Variants in WDR41 observed in about 807,000 individuals in gnomAD.
WDR41 encodes WD repeat domain 41.
Under a neutral mutation model 69.3 loss-of-function variants are expected in WDR41, and 63 were observed. The ratio of observed to expected loss-of-function variants is 0.91; its 90% CI spans 0.74 to 1.12. WDR41 has a LOEUF of 1.12. Ranked by LOEUF, WDR41 falls within the 50% of genes most tolerant of loss-of-function variation. The pLI is 0.00. For missense variants in WDR41, 543 were observed against 534.5 expected (o/e 1.02, Z -0.16); for synonymous variants, 185 against 192.1 (o/e 0.96, Z 0.31).
intron 1 of WDR41, among the ~76,000 whole-genome samples, chr5:77,558,030 G>A (rs1212630783): frequency 7.0e-6 from 1 of 142,812 alleles, no homozygotes; most frequent in East Asian, 2.2e-4. Context: ...CCACGTCAGT[G>A]TAATGATTAC....
intron 8 of WDR41, among the ~76,000 whole-genome samples, chr5:77,446,681 T>A (rs944366753): frequency 2.0e-5 from 3 of 152,126 alleles, no homozygotes; most frequent in African/African-American, 7.2e-5. Flanking sequence ...GGGGAAAGGA[T>A]CTCCTATTCA....
At chr5:77,556,846 G>A (rs989178253) in intron 1 of WDR41, among the ~76,000 whole-genome samples, 3 of 152,134 alleles carry the variant, frequency 2.0e-5, no homozygotes, top group Non-Finnish European at 2.9e-5. Flanking sequence ...GGGAGGGAGA[G>A]AAAAGGGTCT....
intron 1 of WDR41, among the ~76,000 whole-genome samples, chr5:77,573,669 C>A (rs1327627345): frequency 1.3e-5 from 2 of 152,026 alleles, no homozygotes; most frequent in African/African-American, 4.8e-5. Context: ...CAGAAGTGCC[C>A]CCCAGATTTA....
intron 1 of WDR41, among the ~76,000 whole-genome samples, chr5:77,551,294 G>A (rs1743290418): frequency 6.6e-6 from 1 of 152,106 alleles, no homozygotes; most frequent in African/African-American, 2.4e-5. Context: ...TAAGAAGGGG[G>A]CAAAAATATT....
At chr5:77,611,296 C>T (rs545014442) in intron 1 of WDR41, among the ~76,000 whole-genome samples, 1 of 152,300 alleles carries the variant, frequency 6.6e-6, no homozygotes, top group East Asian at 1.9e-4. Flanking sequence ...CAGCTCTGCA[C>T]CAAGCAGATC....
At chr5:77,501,991 A>G (rs1051629446) in intron 1 of WDR41, among the ~76,000 whole-genome samples, 1 of 152,210 alleles carries the variant, frequency 6.6e-6, no homozygotes, top group Non-Finnish European at 1.5e-5. Context: ...CCTCGCCACC[A>G]ATCAAACAAA....
chr5:77,592,279 A>G (rs1744149396), intron 1 of WDR41, among the ~76,000 whole-genome samples: 1 of 152,120 alleles, frequency 6.6e-6, no homozygotes, highest in Non-Finnish European at 1.5e-5. Context: ...ATTGAGTCTG[A>G]TAGTTTATCT....
At chr5:77,590,135 C>T (rs1378342112) in intron 1 of WDR41, among the ~76,000 whole-genome samples, 3 of 152,012 alleles carry the variant, frequency 2.0e-5, no homozygotes, top group Admixed American at 6.6e-5. Flanking sequence ...ATTTTATTGA[C>T]TTGTTAAATG....
chr5:77,601,804 CT>C (rs1278554684), intron 1 of WDR41, among the ~76,000 whole-genome samples: 1 of 152,170 alleles, frequency 6.6e-6, no homozygotes, highest in East Asian at 1.9e-4. Context: ...AAGGCTGAAT[CT>C]TTTTAAAAAC....
intron 12 of WDR41, among the ~76,000 whole-genome samples, chr5:77,434,966 C>T (rs1482093446): frequency 2.6e-5 from 4 of 152,292 alleles, no homozygotes; most frequent in East Asian, 3.9e-4. Context: ...AACTCCTCAG[C>T]CTTACATTCA....
intron 2 of WDR41, among the ~76,000 whole-genome samples, chr5:77,477,028 T>C (rs1204092375): frequency 6.7e-6 from 1 of 148,890 alleles, no homozygotes; most frequent in East Asian, 2.0e-4. Context: ...GCAATCCTAC[T>C]CTCTGATAAA....
intron 7 of WDR41, 121 bp downstream of exon 7, chr5:77,451,170 C>T: frequency 3.5e-6 from 3 of 857,118 alleles, no homozygotes; most frequent in Middle Eastern, 5.3e-4. Flanking sequence ...CTTCAACAAT[C>T]CCAAGAAGCC....
At chr5:77,435,864 C>T (rs928053227) in intron 12 of WDR41, among the ~76,000 whole-genome samples, 3 of 152,200 alleles carry the variant, frequency 2.0e-5, no homozygotes, top group African/African-American at 7.2e-5. Flanking sequence ...AAACAGGACT[C>T]TGTTCATGAA....
At chr5:77,480,060 A>G (rs1324203622) in intron 2 of WDR41, 1 of 151,624 alleles carries the variant, frequency 6.6e-6, no homozygotes, top group Non-Finnish European at 1.5e-5. Context: ...GCAGCCAAAA[A>G]ACACATGAAA....
At chr5:77,491,045 T>C (rs1375466020) in intron 1 of WDR41, 2 of 224,036 alleles carry the variant, frequency 8.9e-6, no homozygotes, top group Non-Finnish European at 1.9e-5. Context: ...AGCCATCGCA[T>C]CCCCGGTGAC....
At chr5:77,501,697 A>G (rs1420759589) in intron 1 of WDR41, among the ~76,000 whole-genome samples, 1 of 152,134 alleles carries the variant, frequency 6.6e-6, no homozygotes, top group Non-Finnish European at 1.5e-5. Context: ...TCAGGCAGCA[A>G]TATTTGCTGT....
intron 1 of WDR41, among the ~76,000 whole-genome samples, chr5:77,600,001 T>A (rs1744294338): frequency 6.6e-6 from 1 of 152,196 alleles, no homozygotes; most frequent in African/African-American, 2.4e-5. Context: ...TTCTGTAACA[T>A]TCTCTTGCGG....
intron 1 of WDR41, among the ~76,000 whole-genome samples, chr5:77,537,179 C>T (rs1743003161): frequency 1.3e-5 from 2 of 152,190 alleles, no homozygotes; most frequent in African/African-American, 4.8e-5. Flanking sequence ...TATCTTTCTG[C>T]TTTAGAATTT....
At chr5:77,558,103 A>AAAAAC (rs1743445316) in intron 1 of WDR41, among the ~76,000 whole-genome samples, 1 of 149,840 alleles carries the variant, frequency 6.7e-6, no homozygotes, top group African/African-American at 2.5e-5. Context: ...TTAAAAAAAA[A>AAAAAC]AAAAAAAAAA....
Sources: allele counts gnomAD v4.1 joint callset (sites outside exome capture counted in the v4.1 genomes callset), GRCh38; gene constraint gnomAD v4.1.1; transcripts MANE v1.5; gene names NCBI Gene and HGNC (gene_info 2026-07-23, HGNC 2026-07-21).